RFC1: variants seen among roughly 807,000 people sequenced by gnomAD.
RFC1 encodes the protein replication factor C subunit 1, also known as A1 140 kDa subunit.
In RFC1, 37 loss-of-function variants were observed where a neutral mutation model predicts 137.4. The ratio of observed to expected loss-of-function variants is 0.27; its 90% CI spans 0.21 to 0.35. The LOEUF (loss-of-function observed/expected upper bound fraction) is 0.35, where lower values mean the gene tolerates loss of function less well. Among genes scored for constraint, RFC1 ranks in the 10% least tolerant of loss-of-function variants. RFC1 has a pLI of 1.00. For synonymous variants in RFC1, 429 were observed against 455.7 expected, an observed-to-expected ratio of 0.94 and a Z score of 0.75; for missense variants, 1,205 against 1,358.5, an observed-to-expected ratio of 0.89 and a Z score of 1.78.
chr4:39,311,313 T>C (rs1205787990), intron 12 of RFC1, 132 bp downstream of exon 12: 1 of 667,376 alleles, frequency 1.5e-6, no homozygotes, highest in East Asian at 2.8e-5. Flanking sequence ...CAAAAGGAAC[T>C]AAGGTGGTCC....
In RFC1 at chr4:39,332,064, C is replaced by T. The variant is rs1039678388; in HGVS notation, c.332-4308G>A. Among the ~76,000 whole-genome samples the T allele has an allele frequency of 3.9e-5, 6 of 152,154 alleles. No homozygotes were observed. The South Asian group carries it at 1.2e-3, about 32-fold the overall frequency. Reference sequence around the variant, plus strand: ...GCACAAGCTCTCTTCTCTTGTCTGCCGACACTTGAGACGTGCCTTTCACCT... The same window carrying T: ...GCACAAGCTCTCTTCTCTTGTCTGCTGACACTTGAGACGTGCCTTTCACCT... On this transcript the variant is annotated intron_variant, in intron 4 of 24. Transcript: ENST00000349703.
At chr4:39,364,604 A>AATCT (rs1289264376) in intron 1 of RFC1, among the ~76,000 whole-genome samples, 1 of 152,218 alleles carries the variant, frequency 6.6e-6, no homozygotes, top group African/African-American at 2.4e-5. Context: ...ATGACAGAGG[A>AATCT]ATCTACCATG....
At chr4:39,338,809 T>A (rs975215315) in intron 4 of RFC1, among the ~76,000 whole-genome samples, 1 of 152,198 alleles carries the variant, frequency 6.6e-6, no homozygotes, top group African/African-American at 2.4e-5. Flanking sequence ...GAATCCCAAA[T>A]ACAGTACAAC....
chr4:39,351,805 T>C (rs1560622533), intron 1 of RFC1, among the ~76,000 whole-genome samples: 2 of 151,628 alleles, frequency 1.3e-5, no homozygotes, highest in African/African-American at 2.4e-5. Context: ...CTACTAAAAA[T>C]ACAAAAAATT....
chr4:39,311,705 C>T (rs966373805), intron 11 of RFC1, among the ~76,000 whole-genome samples, 156 bp from the exon 12 acceptor site: 3 of 152,102 alleles, frequency 2.0e-5, no homozygotes, highest in African/African-American at 7.2e-5. Context: ...CAAAAAATAG[C>T]ACATTCATTG....
chr4:39,295,781 T>C (rs747707865), intron 21 of RFC1, 22 bp from the exon 22 acceptor site: 3 of 1,603,290 alleles, frequency 1.9e-6, no homozygotes, highest in Non-Finnish European at 2.6e-6. Context: ...TCAATTGCAG[T>C]CCAGAATTTA....
intron 2 of RFC1, among the ~76,000 whole-genome samples, chr4:39,348,443 A>AGAAAC: frequency 8.1e-6 from 1 of 122,866 alleles, no homozygotes; most frequent in Non-Finnish European, 1.9e-5. Flanking sequence ...AGAAAAGAAA[A>AGAAAC]GAAAAGAAAA....
At chr4:39,313,799 T>C (rs1327309242) in intron 10 of RFC1, among the ~76,000 whole-genome samples, 3 of 152,196 alleles carry the variant, frequency 2.0e-5, no homozygotes, top group Non-Finnish European at 4.4e-5. Context: ...TACTCTAGGA[T>C]AGTAAATCTA....
At chr4:39,357,083 C>T (rs1197034954) in intron 1 of RFC1, among the ~76,000 whole-genome samples, 1 of 152,196 alleles carries the variant, frequency 6.6e-6, no homozygotes, top group Non-Finnish European at 1.5e-5. Context: ...TCTTGTGAAG[C>T]TTTCATTCTA....
At chr4:39,324,376 T>C (rs982312086) in intron 6 of RFC1, among the ~76,000 whole-genome samples, 2 of 152,172 alleles carry the variant, frequency 1.3e-5, no homozygotes, top group Admixed American at 1.3e-4. Context: ...TAGAGGATTG[T>C]GATACAAAGT....
chr4:39,304,424 G>A (rs1007146149), intron 15 of RFC1, among the ~76,000 whole-genome samples: 3 of 152,104 alleles, frequency 2.0e-5, no homozygotes, highest in African/African-American at 7.2e-5. Context: ...TCATCTGCTG[G>A]CCTTATTACC....
At chr4:39,329,268 G>A (rs1443189828) in intron 4 of RFC1, among the ~76,000 whole-genome samples, 1 of 151,938 alleles carries the variant, frequency 6.6e-6, no homozygotes, top group Non-Finnish European at 1.5e-5. Flanking sequence ...TTGGGAGGCT[G>A]AGGCGGAGGA....
At chr4:39,346,557 CAT>C (rs754193054) in intron 2 of RFC1, among the ~76,000 whole-genome samples, 5 of 150,816 alleles carry the variant, frequency 3.3e-5, no homozygotes, top group African/African-American at 4.9e-5. Context: ...ACATTTCTAA[CAT>C]ATTCAAATTT....
intron 7 of RFC1, chr4:39,323,124 G>A: frequency 2.8e-6 from 1 of 351,248 alleles, no homozygotes; most frequent in Non-Finnish European, 5.1e-6. Flanking sequence ...ATAATTCTTT[G>A]TTTTGTGATA....
At chr4:39,357,764 C>T (rs1281026287) in intron 1 of RFC1, among the ~76,000 whole-genome samples, 1 of 151,722 alleles carries the variant, frequency 6.6e-6, no homozygotes, top group Non-Finnish European at 1.5e-5. Context: ...TTACAGGTGC[C>T]CATCACCATA....
At chr4:39,304,679 T>C in intron 15 of RFC1, 135 bp downstream of exon 15, 1 of 676,714 alleles carries the variant, frequency 1.5e-6, no homozygotes, top group South Asian at 1.7e-5. Flanking sequence ...GTCAGACGGC[T>C]TTCTTATTCT....
intron 2 of RFC1, among the ~76,000 whole-genome samples, chr4:39,346,214 C>T (rs559914438): frequency 8.7e-4 from 133 of 152,318 alleles, no homozygotes; most frequent in African/African-American, 2.9e-3. Flanking sequence ...CAGTGGCTCA[C>T]GCCTGTAATC....
intron 13 of RFC1, among the ~76,000 whole-genome samples, chr4:39,307,224 A>C (rs981184426): frequency 1.3e-5 from 2 of 152,224 alleles, no homozygotes; most frequent in Non-Finnish European, 2.9e-5. Context: ...GGTCACAAGA[A>C]GAAAAAATGA....
intron 22 of RFC1, among the ~76,000 whole-genome samples, chr4:39,293,632 A>G (rs972061617): frequency 5.3e-5 from 8 of 152,178 alleles, no homozygotes; most frequent in Non-Finnish European, 8.8e-5. Context: ...GCTGATAATA[A>G]TGGCCTAAAT....
Sources: gnomAD v4.1 joint callset for allele counts (sites outside exome capture counted in the v4.1 genomes callset) on GRCh38, gnomAD v4.1.1 for gene constraint, MANE v1.5 for transcripts, NCBI Gene and HGNC (gene_info 2026-07-23, HGNC 2026-07-21) for gene names.